The following MYO16 variants were observed in gnomAD, a reference collection of about 807,000 sequenced individuals.
MYO16 encodes the protein unconventional myosin-XVI.
Under a neutral mutation model 205.3 loss-of-function variants are expected in MYO16, and 94 were observed. The observed-to-expected ratio is 0.46, with a 90% CI of 0.39 to 0.54. The LOEUF is 0.54. Among genes scored for constraint, MYO16 ranks in the 20% least tolerant of loss-of-function variants. The pLI, the probability that MYO16 is intolerant of heterozygous loss-of-function variation, is 0.00. For synonymous variants in MYO16, 988 were observed against 954.0 expected, an observed-to-expected ratio of 1.04 and a Z score of -0.66; for missense variants, 2,315 against 2,387.5, an observed-to-expected ratio of 0.97 and a Z score of 0.63.
chr13:109,012,446 CCTT>C (rs1885633851), intron 22 of MYO16, among the ~76,000 whole-genome samples: 2 of 152,142 alleles, frequency 1.3e-5, no homozygotes, highest in South Asian at 4.1e-4. Context: ...GCTGCACACT[CCTT>C]ATGAGAATCG....
At chr13:108,667,916 T>A (rs531090672) in intron 2 of MYO16, among the ~76,000 whole-genome samples, 1 of 152,124 alleles carries the variant, frequency 6.6e-6, no homozygotes, top group African/African-American at 2.4e-5. Context: ...GACCTGGTGG[T>A]GCATGCCCAG....
chr13:108,768,161 C>T (rs1461411059), intron 4 of MYO16, among the ~76,000 whole-genome samples: 1 of 152,120 alleles, frequency 6.6e-6, no homozygotes, highest in Non-Finnish European at 1.5e-5. Flanking sequence ...TCATCTTCTC[C>T]CTCTTTTCCT....
At chr13:108,499,738 C>T in the MYO16 span, among the ~76,000 whole-genome samples, 1 of 152,176 alleles carries the variant, frequency 6.6e-6, no homozygotes. Flanking sequence ...CAAATCAACT[C>T]ATTTCTTATA....
At chr13:108,811,959 C>A (rs1566344929) in intron 7 of MYO16, among the ~76,000 whole-genome samples, 1 of 152,142 alleles carries the variant, frequency 6.6e-6, no homozygotes, top group Non-Finnish European at 1.5e-5. Context: ...TCCTTAGCAC[C>A]ATTTATAAGT....
chr13:108,633,991 G>T (rs762297778), intron 1 of MYO16, among the ~76,000 whole-genome samples: 1 of 151,982 alleles, frequency 6.6e-6, no homozygotes, highest in African/African-American at 2.4e-5. Flanking sequence ...TGTTCCACTC[G>T]AGTGACGAAT....
At chr13:108,596,913 T>C (rs1398754689) in intron 1 of MYO16, among the ~76,000 whole-genome samples, 2 of 152,170 alleles carry the variant, frequency 1.3e-5, no homozygotes, top group Admixed American at 1.3e-4. Context: ...GTTACAACAA[T>C]CTGTACATTT....
At chr13:108,615,233 A>C (rs1450404078) in intron 1 of MYO16, among the ~76,000 whole-genome samples, 1 of 152,092 alleles carries the variant, frequency 6.6e-6, no homozygotes, top group African/African-American at 2.4e-5. Context: ...AGAAAATGCA[A>C]ATCAAACCTA....
chr13:108,628,450 C>A (rs758211682), upstream of MYO16, among the ~76,000 whole-genome samples: 60 of 152,100 alleles, frequency 3.9e-4, no homozygotes, highest in Non-Finnish European at 1.5e-4. Context: ...TTCTAACCTT[C>A]AGAATAAAGA....
intron 20 of MYO16, among the ~76,000 whole-genome samples, chr13:108,977,592 TA>T (rs967009341): frequency 7.3e-5 from 11 of 151,704 alleles, no homozygotes; most frequent in African/African-American, 2.7e-4. Context: ...TATATTTTTT[TA>T]AAAAAAACCT....
chr13:108,614,464 A>G (rs527474384), intron 1 of MYO16, among the ~76,000 whole-genome samples: 6 of 152,224 alleles, frequency 3.9e-5, no homozygotes, highest in African/African-American at 1.4e-4. Flanking sequence ...GCAGAAATTG[A>G]CAATCTGACC....
intron 4 of MYO16, among the ~76,000 whole-genome samples, chr13:108,743,567 A>C (rs541600370): frequency 3.9e-5 from 6 of 152,270 alleles, no homozygotes; most frequent in Non-Finnish European, 8.8e-5. Flanking sequence ...TGACATTATC[A>C]CTCTTTTACT....
intron 4 of MYO16, among the ~76,000 whole-genome samples, chr13:108,749,381 T>G (rs1885158883): frequency 6.6e-6 from 1 of 152,176 alleles, no homozygotes; most frequent in Non-Finnish European, 1.5e-5. Context: ...CAGAAAGAAC[T>G]TATAGCTGAA....
chr13:108,640,016 T>C (rs1023730475), intron 1 of MYO16, among the ~76,000 whole-genome samples: 1 of 152,170 alleles, frequency 6.6e-6, no homozygotes, highest in African/African-American at 2.4e-5. Context: ...AGCTGTCCAG[T>C]ATGTAGCCAT....
chr13:108,591,711 T>C (rs1266601118), upstream of MYO16, among the ~76,000 whole-genome samples: 1 of 152,212 alleles, frequency 6.6e-6, no homozygotes, highest in Non-Finnish European at 1.5e-5. Context: ...GTTTTCTCTC[T>C]TTTCTTCCTT....
chr13:108,979,011 G>C (rs1021230670), intron 20 of MYO16, among the ~76,000 whole-genome samples: 2 of 151,808 alleles, frequency 1.3e-5, no homozygotes, highest in African/African-American at 4.8e-5. Context: ...TATTTCAACT[G>C]TAGTTTGACA....
chr13:108,802,189 T>C (rs1002270622), intron 6 of MYO16, among the ~76,000 whole-genome samples: 8 of 152,180 alleles, frequency 5.3e-5, no homozygotes, highest in African/African-American at 1.9e-4. Context: ...TCAAAACATA[T>C]TTCTGCTGTC....
intron 1 of MYO16, among the ~76,000 whole-genome samples, chr13:108,621,833 AG>A (rs1879554270): frequency 6.6e-6 from 1 of 152,208 alleles, no homozygotes; most frequent in South Asian, 2.1e-4. Context: ...AATGAGAGAC[AG>A]CACATTCACC....
chr13:108,851,955 C>T (rs189150643), intron 10 of MYO16, among the ~76,000 whole-genome samples: 14 of 152,256 alleles, frequency 9.2e-5, no homozygotes, highest in East Asian at 5.8e-4. Flanking sequence ...ACCTCCTCCA[C>T]GCCAGGGCAT....
chr13:109,056,792 CA>C (rs896386113), intron 27 of MYO16, among the ~76,000 whole-genome samples: 2 of 151,990 alleles, frequency 1.3e-5, no homozygotes, highest in Admixed American at 1.3e-4. Context: ...AACAATAAAA[CA>C]GGGGTGGGCA....
Sources: gnomAD v4.1 joint callset for allele counts (sites outside exome capture counted in the v4.1 genomes callset) on GRCh38, gnomAD v4.1.1 for gene constraint, MANE v1.5 for transcripts, NCBI Gene and HGNC (gene_info 2026-07-23, HGNC 2026-07-21) for gene names.